TMEM184B: variants seen among roughly 807,000 people sequenced by gnomAD.
TMEM184B encodes the protein putative MAPK-activating protein FM08.
Under a neutral mutation model 41.8 loss-of-function variants are expected in TMEM184B, and 17 were observed. The observed-to-expected ratio is 0.41, with a 90% CI of 0.28 to 0.61. The LOEUF (loss-of-function observed/expected upper bound fraction) is 0.61, where lower values mean the gene tolerates loss of function less well. Among genes scored for constraint, TMEM184B ranks in the 20% least tolerant of loss-of-function variants. The probability of loss-of-function intolerance (pLI) is 0.34; values close to 1 mark genes in which losing one functional copy is unlikely to be tolerated. For synonymous variants in TMEM184B, 240 were observed against 229.5 expected (o/e 1.05, Z -0.41); for missense variants, 393 against 557.8 (o/e 0.70, Z 2.98).
intron 1 of TMEM184B, among the ~76,000 whole-genome samples, chr22:38,252,092 C>G (rs916985100): frequency 6.6e-6 from 1 of 150,498 alleles, no homozygotes; most frequent in African/African-American, 2.5e-5. Flanking sequence ...CAGAGCTTCA[C>G]TCTGTTGCCC....
At chr22:38,269,212 T>C (rs949976846) in intron 1 of TMEM184B, among the ~76,000 whole-genome samples, 2 of 152,234 alleles carry the variant, frequency 1.3e-5, no homozygotes, top group African/African-American at 4.8e-5. Flanking sequence ...CCTCCTCCCG[T>C]GCTCCTAGTG....
At chr22:38,230,544 G>T (rs956944881) in intron 5 of TMEM184B, 125 bp downstream of exon 5, 1 of 902,456 alleles carries the variant, frequency 1.1e-6, no homozygotes, top group Non-Finnish European at 1.7e-6. Context: ...GGGGGTGGGT[G>T]CTGGGGGCCT....
Position 38,247,868 on chromosome 22 carries a change from G to T in TMEM184B, c.94C>A (p.Pro32Thr). Reference protein sequence around the residue: ...PSVSVIPEGSPTAMEQPVFLM... With the variant: ...PSVSVIPEGSTTAMEQPVFLM... ...AACACAGGCTGCTCCATGGCAGTGGGGCTGCCCTCGGGGATCACGGAGACG... is the reference window on the plus strand; with the variant it reads ...AACACAGGCTGCTCCATGGCAGTGGTGCTGCCCTCGGGGATCACGGAGACG... Residue 32 changes from proline to threonine, a missense_variant, in exon 2 of 9, where the codon CCC (proline) becomes ACC (threonine). Pro to Thr is a conservative substitution (Grantham distance 38). This residue lies in a region of TMEM184B where 122 missense variants were observed against 123.7 expected (regional missense o/e 0.99). Transcript: ENST00000361906. 1 of 1,613,040 alleles carries T rather than the reference G, an allele frequency of 6.2e-7. No homozygotes were observed. Among genetic ancestry groups the T allele is most frequent in the South Asian group, 1.1e-5 (1 of 90,810 alleles).
intron 1 of TMEM184B, among the ~76,000 whole-genome samples, chr22:38,262,879 G>A (rs1201035428): frequency 6.6e-6 from 1 of 152,162 alleles, no homozygotes; most frequent in African/African-American, 2.4e-5. Flanking sequence ...AGGAGGCAAG[G>A]TTACAGTCCT....
At chr22:38,250,441 A>G (rs992318572) in intron 1 of TMEM184B, among the ~76,000 whole-genome samples, 2 of 152,262 alleles carry the variant, frequency 1.3e-5, no homozygotes, top group Non-Finnish European at 2.9e-5. Flanking sequence ...AAATTCAAAA[A>G]TGGAGAAGGT....
chr22:38,245,601 T>G (rs368737543), intron 3 of TMEM184B, among the ~76,000 whole-genome samples: 14 of 116,386 alleles, frequency 1.2e-4, no homozygotes, highest in African/African-American at 2.7e-4. Flanking sequence ...GAGACCCAGG[T>G]GGAGGGCCCT....
intron 3 of TMEM184B, among the ~76,000 whole-genome samples, chr22:38,234,404 T>C (rs1444232292): frequency 6.6e-6 from 1 of 152,118 alleles, no homozygotes; most frequent in Admixed American, 6.5e-5. Context: ...TTCAGGTGAT[T>C]TGCCCCAGCC....
At chr22:38,233,410 C>G (rs2091687087) in intron 3 of TMEM184B, among the ~76,000 whole-genome samples, 1 of 152,198 alleles carries the variant, frequency 6.6e-6, no homozygotes, top group Admixed American at 6.5e-5. Context: ...TGAAAGTGTT[C>G]AGAAGTGTGT....
At chr22:38,255,803 T>G (rs752677213) in intron 1 of TMEM184B, among the ~76,000 whole-genome samples, 13 of 152,266 alleles carry the variant, frequency 8.5e-5, no homozygotes, top group Non-Finnish European at 1.5e-4. Context: ...CATGATCCAT[T>G]TATGTAACAT....
chr22:38,269,769 C>A (rs563177447), intron 1 of TMEM184B, among the ~76,000 whole-genome samples: 1 of 152,194 alleles, frequency 6.6e-6, no homozygotes, highest in African/African-American at 2.4e-5. Context: ...GGGCAGACAC[C>A]GTTACAACAG....
chr22:38,226,715 G>A lies in TMEM184B; in HGVS notation c.617+64C>T, dbSNP rs761792664. Reference sequence around the variant, plus strand: ...GGCCACTCTGGCTGCCCCCTTCCCTGAGCCAAGGCACCAGCCTGCGCCAAC... The same window carrying A: ...GGCCACTCTGGCTGCCCCCTTCCCTAAGCCAAGGCACCAGCCTGCGCCAAC... On this transcript the variant is annotated intron_variant, in intron 6 of 8. Coordinates refer to ENST00000361906, the MANE Select transcript of TMEM184B (RefSeq NM_012264.5). This position sits in a 1 kb window ranked among gnomAD's most constrained non-coding sequence, Gnocchi z 4.6. 140 of 1,504,760 alleles carry A rather than the reference G, an allele frequency of 9.3e-5. 1 individual carries two copies. In the Middle Eastern group the frequency reaches 5.3e-3, roughly 57 times the overall value. 93.2% of individuals were successfully genotyped at this position (1,504,760 alleles called of 1,614,324 possible). A position where few individuals can be genotyped will look rare whatever the true frequency, so the allele number is the denominator to read the frequency against.
intron 1 of TMEM184B, among the ~76,000 whole-genome samples, chr22:38,249,492 G>C (rs573830977): frequency 2.0e-5 from 3 of 152,292 alleles, no homozygotes; most frequent in South Asian, 4.1e-4. Context: ...ATCGTGAGGT[G>C]CCTCACAGTG....
chr22:38,229,415 C>T (rs1212395346), intron 5 of TMEM184B, among the ~76,000 whole-genome samples: 2 of 152,242 alleles, frequency 1.3e-5, no homozygotes, highest in Non-Finnish European at 2.9e-5. Context: ...AGTATCATTA[C>T]ACTCATTTTA....
At chr22:38,254,456 C>T (rs1265012334) in intron 1 of TMEM184B, among the ~76,000 whole-genome samples, 7 of 151,880 alleles carry the variant, frequency 4.6e-5, no homozygotes, top group African/African-American at 9.7e-5. Flanking sequence ...AAAAATTAGC[C>T]GGGTATGGTG....
In TMEM184B at chr22:38,231,245, C is replaced by G; in HGVS notation, c.448G>C (p.Glu150Gln). 1.2e-6 allele frequency: 2 copies of G among 1,613,914 alleles called. No homozygotes were observed. The highest frequency in any genetic ancestry group is 1.7e-6 in the Non-Finnish European group (2 of 1,179,794). The change falls in exon 4 of 9, where the codon GAG (glutamate) becomes CAG (glutamine). Residue 150 changes from glutamate to glutamine, a missense_variant and splice_region_variant. Physicochemically the swap from Glu to Gln is conservative, Grantham distance 29. Around this residue, in one of 2 missense-constraint regions of TMEM184B, gnomAD observed 271 missense variants for 434.1 expected, o/e 0.62. Transcript: ENST00000361906. ...IMSEIRGKPIESSCMYGTCCL... is the reference protein window; with the variant it reads ...IMSEIRGKPIQSSCMYGTCCL... ...GCTCTGGGAAGACTCCATACTCACT[C>G]AATGGGTTTTCCTCTGATCTCCGAC...
intron 1 of TMEM184B, among the ~76,000 whole-genome samples, chr22:38,260,639 T>C (rs946794045): frequency 4.6e-5 from 7 of 152,020 alleles, no homozygotes; most frequent in Non-Finnish European, 8.8e-5. Context: ...GAAGCAGCCA[T>C]ACCTGCCTCT....
intron 1 of TMEM184B, among the ~76,000 whole-genome samples, chr22:38,256,216 C>T (rs2092276009): frequency 6.9e-6 from 1 of 144,508 alleles, no homozygotes; most frequent in African/African-American, 2.6e-5. Context: ...CCCAGGGGAC[C>T]TTTTTTTTTT....
At chr22:38,242,289 G>A (rs1392897224) in intron 3 of TMEM184B, among the ~76,000 whole-genome samples, 2 of 148,952 alleles carry the variant, frequency 1.3e-5, no homozygotes, top group African/African-American at 5.0e-5. Context: ...GCAACACGGT[G>A]AAACCCCGTC....
At chr22:38,256,731 C>T (rs1165506081) in intron 1 of TMEM184B, among the ~76,000 whole-genome samples, 1 of 152,192 alleles carries the variant, frequency 6.6e-6, no homozygotes, top group Non-Finnish European at 1.5e-5. Flanking sequence ...TGAGCTTTAA[C>T]GGTTAGCAAC....
Sources: allele counts gnomAD v4.1 joint callset (sites outside exome capture counted in the v4.1 genomes callset), GRCh38; gene constraint gnomAD v4.1.1; regional missense constraint gnomAD v4.1.1; non-coding constraint Gnocchi (gnomAD v3.1); transcripts MANE v1.5; gene names NCBI Gene and HGNC (gene_info 2026-07-23, HGNC 2026-07-21).